PCDHGA9: variants seen among roughly 807,000 people sequenced by gnomAD.
The protein encoded by PCDHGA9 is protocadherin gamma subfamily A, 9, also known as protocadherin gamma-A9.
Under a neutral mutation model 62.5 loss-of-function variants are expected in PCDHGA9, and 37 were observed. The observed-to-expected ratio is 0.59, with a 90% confidence interval of 0.46 to 0.78. The LOEUF (loss-of-function observed/expected upper bound fraction) is 0.78, where lower values mean the gene tolerates loss of function less well. PCDHGA9 is among the 30% of genes least tolerant of loss of function. The pLI is 0.00. For missense variants in PCDHGA9, 1,138 were observed against 1,166.2 expected (o/e 0.98, Z 0.35); for synonymous variants, 459 against 484.6 (o/e 0.95, Z 0.69).
At chr5:141,414,220 C>T in intron 1 of PCDHGA9, 1 of 1,613,094 alleles carries the variant, frequency 6.2e-7, no homozygotes, top group Non-Finnish European at 8.5e-7. Flanking sequence ...TGACAACAGT[C>T]CAGAGCTGAC....
At chr5:141,436,042 T>A (rs1246680632) in intron 1 of PCDHGA9, among the ~76,000 whole-genome samples, 4 of 152,182 alleles carry the variant, frequency 2.6e-5, no homozygotes, top group Non-Finnish European at 5.9e-5. Context: ...TGTATTTACA[T>A]TAGTTTTCAA....
At chr5:141,500,877 A>ATT (rs369345007) in intron 2 of PCDHGA9, among the ~76,000 whole-genome samples, 3 of 122,284 alleles carry the variant, frequency 2.5e-5, no homozygotes, top group Admixed American at 2.4e-4. Flanking sequence ...TTCATTTACA[A>ATT]TTTTTTTTTT....
At chr5:141,497,878 C>T (rs553853040) in intron 2 of PCDHGA9, among the ~76,000 whole-genome samples, 32 of 152,256 alleles carry the variant, frequency 2.1e-4, no homozygotes, top group Non-Finnish European at 3.5e-4. Flanking sequence ...GTGAAATAAG[C>T]GTTAGGATCT....
chr5:141,492,464 C>G (rs1595116794), intron 1 of PCDHGA9, among the ~76,000 whole-genome samples: 1 of 152,354 alleles, frequency 6.6e-6, no homozygotes, highest in Non-Finnish European at 1.5e-5. Context: ...GCCTGAGGGT[C>G]CCAGATCGCG....
chr5:141,442,131 A>T, intron 1 of PCDHGA9: 1 of 165,118 alleles, frequency 6.1e-6, no homozygotes, highest in Non-Finnish European at 1.3e-5. Context: ...GACAGCCTGC[A>T]GGAGACTCTG....
chr5:141,410,009 T>G, intron 1 of PCDHGA9: 1 of 1,613,318 alleles, frequency 6.2e-7, no homozygotes, highest in Non-Finnish European at 8.5e-7. Context: ...ACACAACGCC[T>G]GGCTGTCCTA....
rs1015619417 is a variant in PCDHGA9 at position 141,455,526 on chromosome 5, C to T, written c.2425-39281C>T. Among the ~76,000 whole-genome samples the T allele has an allele frequency of 2.0e-5, 3 of 152,106 alleles. 1 individual carries two copies. Among genetic ancestry groups the T allele is most frequent in the South Asian group, 4.1e-4 (2 of 4,826 alleles). ...CATAGGGCTCAGGGGATTGGTTTGA[C>T]CAGGCATATCATTCACGTAGCCCGA... On this transcript the variant is annotated intron_variant, in intron 1 of 3. Coordinates refer to ENST00000573521, the MANE Select transcript of PCDHGA9 (RefSeq NM_018921.3).
At position 141,486,646 on chromosome 5, in the gene PCDHGA9, C is replaced by T; in HGVS notation, c.2425-8161C>T. On this transcript the variant is annotated intron_variant, in intron 1 of 3. Transcript: ENST00000573521. The surrounding 1 kb of genome is among the most constrained non-coding windows in gnomAD (Gnocchi z 5.0). ...ACTCTGGCTTGAATGCGCTTATCTC[C>T]TACTCACTCCTGGAGCCCAGGAATC... is the stretch of plus-strand genomic sequence containing the variant. 4.3e-6 allele frequency: 7 copies of T among 1,613,916 alleles called. No individual in the cohort carries two copies. Among genetic ancestry groups the T allele is most frequent in the African/African-American group, 1.3e-5 (1 of 75,058 alleles).
chr5:141,451,233 T>A (rs1431967203), intron 1 of PCDHGA9, among the ~76,000 whole-genome samples: 1 of 152,216 alleles, frequency 6.6e-6, no homozygotes, highest in African/African-American at 2.4e-5. Flanking sequence ...GCATTTATTA[T>A]CTCATAAATT....
chr5:141,414,597 C>T, intron 1 of PCDHGA9: 5 of 1,613,972 alleles, frequency 3.1e-6, no homozygotes, highest in Non-Finnish European at 3.4e-6. Flanking sequence ...GGGGTGCCTC[C>T]ATCTTCTCAG....
rs1228068556 is a variant in PCDHGA9, at chr5:141,403,552, G to T, written c.600G>T (p.Leu200=). The change falls in exon 1 of 4, where the codon CTG becomes CTT. Residue 200 remains leucine, a synonymous_variant. Transcript: ENST00000573521. The part of the protein sequence containing the change: ...INPELVLERA[L]DREEATAHHL... ...CAGAGCTGGTGCTGGAGCGCGCCCT[G>T]GACAGGGAGGAGGCAACTGCCCACC... 5 of 1,613,892 alleles carry T rather than the reference G, an allele frequency of 3.1e-6. No homozygotes were observed. The highest frequency in any genetic ancestry group is 4.2e-6 in the Non-Finnish European group (5 of 1,179,920).
chr5:141,463,874 G>T (rs1311566242), intron 1 of PCDHGA9, among the ~76,000 whole-genome samples: 1 of 152,136 alleles, frequency 6.6e-6, no homozygotes, highest in Non-Finnish European at 1.5e-5. Flanking sequence ...TGACTGAAAG[G>T]AAAAGTTTTC....
chr5:141,458,718 C>T (rs569153299), intron 1 of PCDHGA9, among the ~76,000 whole-genome samples: 3 of 151,942 alleles, frequency 2.0e-5, no homozygotes, highest in African/African-American at 4.8e-5. Context: ...TACAGGTATT[C>T]GCCACCACAT....
At position 141,477,868 on chromosome 5, in the gene PCDHGA9, C is replaced by G; in HGVS notation, c.2425-16939C>G. Reference sequence around the variant, plus strand: ...CGGTGGAGATGCTGCCTCGAGGTACCTCAGCTGGCCACCTAGTGTCACGGG... The same window carrying G: ...CGGTGGAGATGCTGCCTCGAGGTACGTCAGCTGGCCACCTAGTGTCACGGG... On this transcript the variant is annotated intron_variant, in intron 1 of 3. Coordinates refer to ENST00000573521, the MANE Select transcript of PCDHGA9 (RefSeq NM_018921.3). The surrounding 1 kb of genome is among the most constrained non-coding windows in gnomAD (Gnocchi z 4.9). 1 of 1,613,750 alleles carries G rather than the reference C, an allele frequency of 6.2e-7. No individual in the cohort carries two copies. Among genetic ancestry groups the G allele is most frequent in the Non-Finnish European group, 8.5e-7 (1 of 1,179,908 alleles).
At chr5:141,433,361 A>G (rs1208326325) in intron 1 of PCDHGA9, 15 of 297,508 alleles carry the variant, frequency 5.0e-5, no homozygotes, top group Non-Finnish European at 7.0e-5. Context: ...CTGTCTGCCT[A>G]TCTATCTATC....
intron 1 of PCDHGA9, among the ~76,000 whole-genome samples, chr5:141,436,531 G>A (rs1365651055): frequency 2.6e-5 from 4 of 152,152 alleles, no homozygotes; most frequent in South Asian, 2.1e-4. Flanking sequence ...CCTTTAGCAA[G>A]TTATTTAATC....
At chr5:141,465,730 T>G (rs1373873081) in intron 1 of PCDHGA9, among the ~76,000 whole-genome samples, 2 of 152,186 alleles carry the variant, frequency 1.3e-5, no homozygotes, top group Non-Finnish European at 2.9e-5. Context: ...CCTCTTGTGC[T>G]TTGTTTTCAG....
chr5:141,484,024 A>G (rs769415978), intron 1 of PCDHGA9, among the ~76,000 whole-genome samples: 14 of 150,914 alleles, frequency 9.3e-5, no homozygotes, highest in Non-Finnish European at 1.6e-4. Flanking sequence ...GTGGGGTGAG[A>G]TCAAGTCTCC....
intron 3 of PCDHGA9, 110 bp downstream of exon 3, chr5:141,505,591 G>A (rs2099846959): frequency 6.4e-7 from 1 of 1,570,162 alleles, no homozygotes; most frequent in Non-Finnish European, 8.7e-7. Context: ...AGTTTCTCCA[G>A]ATCTTTCGGC....
Sources: gnomAD v4.1 joint callset for allele counts (sites outside exome capture counted in the v4.1 genomes callset) on GRCh38, gnomAD v4.1.1 for gene constraint, Gnocchi (gnomAD v3.1) non-coding constraint, MANE v1.5 for transcripts, NCBI Gene and HGNC (gene_info 2026-07-23, HGNC 2026-07-21) for gene names.